Variants in DCLK1 observed in about 807,000 individuals in gnomAD.
DCLK1 encodes doublecortin like kinase 1, also known as serine/threonine-protein kinase DCLK1.
Under a neutral mutation model 86.2 loss-of-function variants are expected in DCLK1, and 16 were observed. The ratio of observed to expected loss-of-function variants is 0.19; its 90% CI spans 0.13 to 0.28. DCLK1 has a LOEUF of 0.28. Ranked by LOEUF, DCLK1 falls within the 10% of genes least tolerant of loss-of-function variation. The pLI is 1.00. For synonymous variants in DCLK1, 369 were observed against 370.5 expected, an observed-to-expected ratio of 1.00 and a Z score of 0.05; for missense variants, 590 against 940.2, an observed-to-expected ratio of 0.63 and a Z score of 4.87.
intron 3 of DCLK1, among the ~76,000 whole-genome samples, chr13:36,065,295 T>C (rs537915665): frequency 5.3e-5 from 8 of 152,152 alleles, no homozygotes; most frequent in Non-Finnish European, 7.4e-5. Flanking sequence ...AAATGAGACA[T>C]GATGTTAAAC....
At chr13:35,928,874 C>T (rs1210289229) in intron 4 of DCLK1, among the ~76,000 whole-genome samples, 1 of 152,240 alleles carries the variant, frequency 6.6e-6, no homozygotes, top group African/African-American at 2.4e-5. Flanking sequence ...ATTTGGGAAC[C>T]CCATAGCATA....
intron 4 of DCLK1, among the ~76,000 whole-genome samples, chr13:35,878,221 T>C (rs763206032): frequency 2.6e-5 from 4 of 152,208 alleles, no homozygotes; most frequent in Non-Finnish European, 4.4e-5. Flanking sequence ...ACAACTAAAA[T>C]TTACTTTCTA....
chr13:35,916,221 G>A (rs1438731173), intron 4 of DCLK1, among the ~76,000 whole-genome samples: 1 of 152,092 alleles, frequency 6.6e-6, no homozygotes, highest in Non-Finnish European at 1.5e-5. Context: ...CATAAATAAC[G>A]TTTGCATTTG....
chr13:36,131,218 G>C lies in DCLK1; in HGVS notation c.-124C>G, dbSNP rs1379306962. 1 of 154,194 alleles carries C rather than the reference G, an allele frequency of 6.5e-6. No homozygotes were observed. Among genetic ancestry groups the C allele is most frequent in the Non-Finnish European group, 1.4e-5 (1 of 69,862 alleles). 9.6% of individuals were successfully genotyped at this position (154,194 alleles called of 1,614,324 possible). A position where few individuals can be genotyped will look rare whatever the true frequency, so the allele number is the denominator to read the frequency against. Reference sequence around the variant, plus strand: ...GCGCGGCCGGGGCTGCGGGGCTGCAGGGCTGGGGGGCGGCGGCGGGGCCGG... The same window carrying C: ...GCGCGGCCGGGGCTGCGGGGCTGCACGGCTGGGGGGCGGCGGCGGGGCCGG... On this transcript the variant is annotated 5_prime_UTR_variant, in exon 1 of 17. Transcript: ENST00000360631.
At chr13:36,119,910 T>C (rs1885925129) in intron 2 of DCLK1, among the ~76,000 whole-genome samples, 1 of 152,178 alleles carries the variant, frequency 6.6e-6, no homozygotes, top group Non-Finnish European at 1.5e-5. Flanking sequence ...CATTGCACCA[T>C]GATTGTGTGT....
chr13:35,901,491 CAA>C (rs58801666), intron 4 of DCLK1, among the ~76,000 whole-genome samples: 757 of 45,708 alleles, frequency 0.017, no homozygotes, highest in South Asian at 0.048. Flanking sequence ...GACTCTGTCT[CAA>C]AAAAAAAAAA....
At chr13:35,805,017 C>T (rs114143853) in intron 15 of DCLK1, among the ~76,000 whole-genome samples, 11 of 152,110 alleles carry the variant, frequency 7.2e-5, no homozygotes, top group Non-Finnish European at 1.3e-4. Flanking sequence ...AGGTTTATGT[C>T]GAAACCCTTA....
chr13:35,879,723 C>T (rs4943350), intron 4 of DCLK1, among the ~76,000 whole-genome samples: 65,143 of 152,032 alleles, frequency 0.43, 14,114 homozygotes, highest in Non-Finnish European at 0.46. Context: ...GGTTTGCAGA[C>T]ACCGGGCATG....
chr13:36,045,377 T>TATATA (rs568110221), intron 3 of DCLK1, among the ~76,000 whole-genome samples: 54 of 124,980 alleles, frequency 4.3e-4, no homozygotes, highest in South Asian at 1.6e-3. Context: ...TATATATATA[T>TATATA]TTCAAGGTAA....
At chr13:35,873,357 T>C (rs1407167223) in intron 4 of DCLK1, among the ~76,000 whole-genome samples, 2 of 152,022 alleles carry the variant, frequency 1.3e-5, no homozygotes. Context: ...CTCTGAATGA[T>C]GCCCTCCAGA....
chr13:35,840,483 G>A (rs1007978981), intron 6 of DCLK1, among the ~76,000 whole-genome samples: 1 of 152,164 alleles, frequency 6.6e-6, no homozygotes, highest in African/African-American at 2.4e-5. Flanking sequence ...ACACCATTGG[G>A]ATGAAAGTTA....
At chr13:35,890,300 G>T (rs561182132) in intron 4 of DCLK1, among the ~76,000 whole-genome samples, 1 of 152,202 alleles carries the variant, frequency 6.6e-6, no homozygotes, top group African/African-American at 2.4e-5. Flanking sequence ...ATGTATATGT[G>T]TGTATGTGTT....
chr13:35,938,244 G>T lies in DCLK1; in HGVS notation c.823+9114C>A, dbSNP rs370870997. ...GAGGGAAGCTCCCCTTAGAATGAGGGCAGTGGGTGGTATTTGTTACTCTGG... is the reference window on the plus strand; with the variant it reads ...GAGGGAAGCTCCCCTTAGAATGAGGTCAGTGGGTGGTATTTGTTACTCTGG... On this transcript the variant is annotated intron_variant, in intron 4 of 16. Coordinates refer to ENST00000360631, the MANE Select transcript of DCLK1 (RefSeq NM_001330071.2). 3.0e-4 allele frequency among the ~76,000 whole-genome samples: 45 copies of T among 152,254 alleles called. 1 individual carries two copies. The East Asian group carries it at 7.7e-3, about 26-fold the overall frequency.
At chr13:35,858,276 C>T (rs1429780030) in intron 5 of DCLK1, among the ~76,000 whole-genome samples, 2 of 152,050 alleles carry the variant, frequency 1.3e-5, no homozygotes, top group Non-Finnish European at 2.9e-5. Flanking sequence ...AACTATAGAA[C>T]CTGGTAATTG....
intron 10 of DCLK1, among the ~76,000 whole-genome samples, chr13:35,825,958 G>A (rs981849701): frequency 6.6e-6 from 1 of 151,648 alleles, no homozygotes; most frequent in Non-Finnish European, 1.5e-5. Flanking sequence ...GATTACAGGC[G>A]CCTGCCACCA....
intron 4 of DCLK1, among the ~76,000 whole-genome samples, chr13:35,904,746 T>C (rs1874585352): frequency 6.6e-6 from 1 of 152,210 alleles, no homozygotes; most frequent in Admixed American, 6.5e-5. Context: ...GGGAAGCTTT[T>C]TGGTTTCCCA....
intron 4 of DCLK1, among the ~76,000 whole-genome samples, chr13:35,886,325 A>G (rs1873240327): frequency 6.6e-6 from 1 of 152,152 alleles, no homozygotes; most frequent in Non-Finnish European, 1.5e-5. Context: ...GGTTCTTAAG[A>G]AAACTTTCAT....
intron 7 of DCLK1, among the ~76,000 whole-genome samples, chr13:35,838,226 T>C (rs1430636822): frequency 6.6e-6 from 1 of 152,186 alleles, no homozygotes; most frequent in Non-Finnish European, 1.5e-5. Context: ...AATTCTGAAG[T>C]TGCATTGTAG....
At chr13:35,980,748 G>A (rs1295666206) in intron 3 of DCLK1, among the ~76,000 whole-genome samples, 1 of 152,100 alleles carries the variant, frequency 6.6e-6, no homozygotes, top group African/African-American at 2.4e-5. Context: ...TAAATCCCTG[G>A]CATGCTCAAG....
Sources: gnomAD v4.1 joint callset for allele counts (sites outside exome capture counted in the v4.1 genomes callset) on GRCh38, gnomAD v4.1.1 for gene constraint, MANE v1.5 for transcripts, NCBI Gene and HGNC (gene_info 2026-07-23, HGNC 2026-07-21) for gene names.